The following CHD7 variants were observed in gnomAD, a reference collection of about 807,000 sequenced individuals.
CHD7 encodes the protein chromodomain helicase DNA binding protein 7.
Under a neutral mutation model 307.3 loss-of-function variants are expected in CHD7, and 24 were observed. That is an observed-to-expected ratio of 0.08 (90% CI 0.06 to 0.11). The LOEUF is 0.11. Ranked by LOEUF, CHD7 falls within the 10% of genes least tolerant of loss-of-function variation. CHD7 has a pLI of 1.00. For synonymous variants in CHD7, 1,363 were observed against 1,349.9 expected, an observed-to-expected ratio of 1.01 and a Z score of -0.21; for missense variants, 3,106 against 3,727.1, an observed-to-expected ratio of 0.83 and a Z score of 4.34.
intron 1 of CHD7, among the ~76,000 whole-genome samples, chr8:60,721,470 C>T (rs968658041): frequency 3.9e-5 from 6 of 152,166 alleles, no homozygotes; most frequent in Admixed American, 3.3e-4. Flanking sequence ...TTTAAGCCAC[C>T]CAGGCTGTAG....
chr8:60,712,104 T>C (rs1023649142), intron 1 of CHD7, among the ~76,000 whole-genome samples: 3 of 152,258 alleles, frequency 2.0e-5, no homozygotes, highest in African/African-American at 7.2e-5. Context: ...TACATAGGTA[T>C]CTGTTAACAC....
At chr8:60,836,692 G>A in intron 16 of CHD7, 125 bp from the exon 17 acceptor site, 7 of 647,388 alleles carry the variant, frequency 1.1e-5, no homozygotes, top group Non-Finnish European at 1.8e-5. Flanking sequence ...TCTGAGATTA[G>A]TTCTGTTAAG....
intron 4 of CHD7, among the ~76,000 whole-genome samples, chr8:60,796,167 A>G (rs1022987594): frequency 1.7e-4 from 26 of 152,236 alleles, no homozygotes; most frequent in African/African-American, 5.5e-4. Context: ...AGAGAGATGA[A>G]GTGAATGAAT....
chr8:60,733,955 A>T (rs75093230), intron 1 of CHD7, among the ~76,000 whole-genome samples: 1 of 152,348 alleles, frequency 6.6e-6, no homozygotes, highest in East Asian at 1.9e-4. Flanking sequence ...ACAGATGGGC[A>T]TATCTTTAAA....
At chr8:60,765,644 C>G (rs558495219) in intron 2 of CHD7, among the ~76,000 whole-genome samples, 12 of 152,308 alleles carry the variant, frequency 7.9e-5, no homozygotes, top group African/African-American at 2.9e-4. Flanking sequence ...TGTGCGGCTG[C>G]TGCTGCTGAG....
chr8:60,718,665 CAG>C (rs1036168972), intron 1 of CHD7, among the ~76,000 whole-genome samples: 7 of 152,208 alleles, frequency 4.6e-5, no homozygotes, highest in East Asian at 3.9e-4. Flanking sequence ...TTACAGTAAA[CAG>C]ATAAATTTAT....
intron 5 of CHD7, 116 bp from the exon 6 acceptor site, chr8:60,801,412 T>A (rs1394718186): frequency 1.4e-6 from 1 of 724,156 alleles, no homozygotes; most frequent in Admixed American, 2.5e-5. Context: ...CTGATAACTT[T>A]GTACCCAGTG....
chr8:60,773,451 CACATCA>C (rs1810807474), intron 2 of CHD7, among the ~76,000 whole-genome samples: 1 of 152,206 alleles, frequency 6.6e-6, no homozygotes, highest in East Asian at 1.9e-4. Context: ...GCAACAGAGA[CACATCA>C]AAAGCATGTT....
rs1806233677 is a variant in CHD7, at chr8:60,866,085, G to A, written c.*152G>A. Reference sequence around the variant, plus strand: ...AGTTCAAGTCATGTTATACAGGTGTGTCAAAAGGTATCTTGGTCATTAAGT... The same window carrying A: ...AGTTCAAGTCATGTTATACAGGTGTATCAAAAGGTATCTTGGTCATTAAGT... On this transcript the variant is annotated 3_prime_UTR_variant, in exon 38 of 38. Coordinates refer to ENST00000423902, the MANE Select transcript of CHD7 (RefSeq NM_017780.4). The A allele has an allele frequency of 3.1e-6, 2 of 649,294 alleles. No individual in the cohort carries two copies. Among genetic ancestry groups the A allele is most frequent in the Non-Finnish European group, 2.7e-6 (1 of 376,012 alleles). 40.2% of individuals were successfully genotyped at this position (649,294 alleles called of 1,614,324 possible).
intron 1 of CHD7, among the ~76,000 whole-genome samples, chr8:60,720,912 C>T (rs1333485026): frequency 2.0e-5 from 3 of 152,248 alleles, no homozygotes; most frequent in African/African-American, 4.8e-5. Context: ...ACTTTCCCTT[C>T]TCCCTTTTCT....
intron 24 of CHD7, 72 bp downstream of exon 24, chr8:60,848,676 T>C: frequency 8.2e-7 from 1 of 1,221,514 alleles, no homozygotes; most frequent in Admixed American, 1.9e-5. Context: ...TCATGGATTG[T>C]GTTTCAGAAC....
chr8:60,841,800 A>G (rs775595499), intron 20 of CHD7, 46 bp downstream of exon 20: 17 of 1,608,840 alleles, frequency 1.1e-5, no homozygotes. Context: ...CTAAACCAAG[A>G]GCCACTCTTT....
At chr8:60,787,513 A>T (rs1489880623) in intron 3 of CHD7, among the ~76,000 whole-genome samples, 2 of 152,132 alleles carry the variant, frequency 1.3e-5, no homozygotes, top group African/African-American at 4.8e-5. Context: ...AATTGGTTTA[A>T]TTCTTTATGT....
chr8:60,853,343 A>C lies in CHD7; in HGVS notation c.6618A>C (p.Glu2206Asp), dbSNP rs769201064. 6.3e-7 allele frequency: 1 copy of C among 1,589,554 alleles called. No individual in the cohort carries two copies. The change falls in exon 31 of 38, where the codon GAA becomes GAC. Residue 2206 changes from glutamate to aspartate, a missense_variant. Physicochemically the swap from Glu to Asp is conservative, Grantham distance 45 (BLOSUM62 2). This residue lies in a region of CHD7 where 1,030 missense variants were observed against 1,165.4 expected (regional missense o/e 0.88). Transcript: ENST00000423902. ...GCAGCGGGAAGGAGAGCAAGCAGGA[A>C]TGTGAGGCAGAGGCCAGCTCTGTGA... ...TDGSGKESKQ[E>D]CEAEASSVKN...
intron 1 of CHD7, among the ~76,000 whole-genome samples, chr8:60,736,247 TG>T (rs1808701079): frequency 1.3e-5 from 2 of 152,128 alleles, no homozygotes; most frequent in Non-Finnish European, 2.9e-5. Context: ...CAGCAAGCAT[TG>T]GTCCTGCTAG....
At chr8:60,829,216 C>A (rs1804389704) in intron 14 of CHD7, among the ~76,000 whole-genome samples, 2 of 152,238 alleles carry the variant, frequency 1.3e-5, no homozygotes, top group Admixed American at 1.3e-4. Context: ...ACACCGCTTA[C>A]TTCTTCAAGC....
At chr8:60,829,196 G>C (rs1170622857) in intron 14 of CHD7, among the ~76,000 whole-genome samples, 1 of 152,224 alleles carries the variant, frequency 6.6e-6, no homozygotes, top group Non-Finnish European at 1.5e-5. Flanking sequence ...TGAAGCATCT[G>C]TACTCAGCCA....
In CHD7 at chr8:60,851,244, T is replaced by C. The variant is rs1257862530; in HGVS notation, c.5608-18T>C. 4.5e-6 allele frequency: 7 copies of C among 1,550,510 alleles called. No individual in the cohort carries two copies. The highest frequency in any genetic ancestry group is 6.1e-6 in the Non-Finnish European group (7 of 1,145,574). Reference sequence around the variant, plus strand: ...GACCCCAAATTAAAGTAATTCTGTTTCTTGCTTTGCTTTCAAGGAATTTGC... The same window carrying C: ...GACCCCAAATTAAAGTAATTCTGTTCCTTGCTTTGCTTTCAAGGAATTTGC... On this transcript the variant is annotated intron_variant, in intron 27 of 37. Coordinates refer to ENST00000423902, the MANE Select transcript of CHD7 (RefSeq NM_017780.4).
chr8:60,849,392 C>G (rs1805352924), intron 25 of CHD7, among the ~76,000 whole-genome samples: 1 of 152,104 alleles, frequency 6.6e-6, no homozygotes, highest in Non-Finnish European at 1.5e-5. Flanking sequence ...TAAATAAAAC[C>G]CAAACCATAT....
Sources: allele counts gnomAD v4.1 joint callset (sites outside exome capture counted in the v4.1 genomes callset), GRCh38; gene constraint gnomAD v4.1.1; regional missense constraint gnomAD v4.1.1; transcripts MANE v1.5; gene names NCBI Gene and HGNC (gene_info 2026-07-23, HGNC 2026-07-21).